Variants in KCNIP1 observed in about 807,000 individuals in gnomAD.
The protein encoded by KCNIP1 is potassium voltage-gated channel interacting protein 1.
KCNIP1 carries 18 observed loss-of-function variants against 33.0 expected under a neutral mutation model. That is an observed-to-expected ratio of 0.55 (90% CI 0.38 to 0.81). KCNIP1 has a LOEUF of 0.81. Among genes scored for constraint, KCNIP1 ranks in the 30% least tolerant of loss-of-function variants. The probability of loss-of-function intolerance (pLI) is 0.00; values close to 1 mark genes in which losing one functional copy is unlikely to be tolerated. For synonymous variants in KCNIP1, 93 were observed against 98.3 expected (o/e 0.95, Z 0.32); for missense variants, 238 against 271.6 (o/e 0.88, Z 0.87).
chr5:170,610,610 T>C (rs551440476), intron 1 of KCNIP1, among the ~76,000 whole-genome samples: 25 of 152,358 alleles, frequency 1.6e-4, no homozygotes, highest in African/African-American at 6.0e-4. Flanking sequence ...CTGAGTGACC[T>C]TGGCCAATTC....
At chr5:170,492,747 A>G (rs1757231233) in intron 1 of KCNIP1, among the ~76,000 whole-genome samples, 1 of 138,464 alleles carries the variant, frequency 7.2e-6, no homozygotes, top group Non-Finnish European at 1.6e-5. Flanking sequence ...CAGAGACCAA[A>G]TATCTATCTA....
At chr5:170,731,618 C>T (rs964691717) in intron 5 of KCNIP1, among the ~76,000 whole-genome samples, 17 of 151,164 alleles carry the variant, frequency 1.1e-4, no homozygotes, top group Non-Finnish European at 2.4e-4. Flanking sequence ...TCACTTGAAC[C>T]CGGGAGGTCG....
intron 1 of KCNIP1, chr5:170,681,411 G>C: frequency 3.0e-6 from 1 of 334,516 alleles, no homozygotes; most frequent in Admixed American, 4.8e-5. Flanking sequence ...CAGGAAGTTA[G>C]GGTCTCCTGC....
chr5:170,491,511 A>T, intron 1 of KCNIP1, among the ~76,000 whole-genome samples: 1 of 152,162 alleles, frequency 6.6e-6, no homozygotes, highest in African/African-American at 2.4e-5. Context: ...TTACCTAGCA[A>T]ATCTGGCTCA....
intron 1 of KCNIP1, among the ~76,000 whole-genome samples, chr5:170,581,262 ACTTT>A (rs1757785340): frequency 6.6e-6 from 1 of 152,218 alleles, no homozygotes; most frequent in Non-Finnish European, 1.5e-5. Flanking sequence ...ACAGGGACTA[ACTTT>A]CCAAGGTCAC....
At chr5:170,473,518 G>C (rs1193254343) in intron 1 of KCNIP1, among the ~76,000 whole-genome samples, 1 of 152,156 alleles carries the variant, frequency 6.6e-6, no homozygotes, top group Non-Finnish European at 1.5e-5. Flanking sequence ...CATCACCCCT[G>C]AGAAATCAGG....
chr5:170,630,891 G>A (rs147677217), intron 1 of KCNIP1, among the ~76,000 whole-genome samples: 41 of 152,240 alleles, frequency 2.7e-4, no homozygotes, highest in East Asian at 9.7e-4. Flanking sequence ...TGAGTGCAGC[G>A]TGCAGATAAG....
In KCNIP1 at chr5:170,542,474, C is replaced by G. The variant is rs112971398; in HGVS notation, c.61+37841C>G. Among the ~76,000 whole-genome samples, 706 of 152,176 alleles carry G rather than the reference C, an allele frequency of 4.6e-3. 5 individuals carry two copies. The highest frequency in any genetic ancestry group is 0.016 in the African/African-American group (665 of 41,478). ...AGTAATTGTCAGAAACAGAAAGTGT[C>G]GAGACTCAACCCTGCATGGAAAAGA... is the stretch of plus-strand genomic sequence containing the variant. On this transcript the variant is annotated intron_variant, in intron 1 of 7. Coordinates refer to ENST00000328939, the MANE Select transcript of KCNIP1 (RefSeq NM_014592.4).
intron 1 of KCNIP1, among the ~76,000 whole-genome samples, chr5:170,497,233 C>T (rs1029165923): frequency 2.0e-5 from 3 of 152,126 alleles, no homozygotes; most frequent in African/African-American, 4.8e-5. Flanking sequence ...TAATGACCTG[C>T]CTTTTTCATG....
intron 1 of KCNIP1, among the ~76,000 whole-genome samples, chr5:170,546,184 C>G (rs1756401293): frequency 6.6e-6 from 1 of 152,232 alleles, no homozygotes; most frequent in Non-Finnish European, 1.5e-5. Flanking sequence ...TGAAGAGATT[C>G]AGTCCTGCTC....
chr5:170,355,733 C>T (rs1173295228), intron 1 of KCNIP1, among the ~76,000 whole-genome samples: 1 of 152,230 alleles, frequency 6.6e-6, no homozygotes, highest in Admixed American at 6.5e-5. Flanking sequence ...AAGGAACCAG[C>T]TGGAGAGTCA....
intron 1 of KCNIP1, among the ~76,000 whole-genome samples, chr5:170,414,070 C>A (rs554963312): frequency 6.6e-6 from 1 of 152,250 alleles, no homozygotes; most frequent in African/African-American, 2.4e-5. Flanking sequence ...AGGAGCCCTG[C>A]CTTAGGAAGA....
intron 1 of KCNIP1, among the ~76,000 whole-genome samples, chr5:170,367,356 A>AGAAG (rs1305570969): frequency 3.4e-5 from 2 of 59,382 alleles, no homozygotes; most frequent in Non-Finnish European, 6.7e-5. Context: ...AGAAAAAGAA[A>AGAAG]GAAAGAAAGA....
intron 1 of KCNIP1, chr5:170,354,104 G>A: frequency 1.2e-6 from 1 of 814,680 alleles, no homozygotes; most frequent in Non-Finnish European, 2.0e-6. Flanking sequence ...GGGATTCGAG[G>A]TTGCTGACAA....
intron 1 of KCNIP1, among the ~76,000 whole-genome samples, chr5:170,474,380 C>G (rs1228958754): frequency 1.3e-5 from 2 of 152,072 alleles, no homozygotes; most frequent in African/African-American, 4.8e-5. Context: ...TTGTGGGAAC[C>G]CCCGCCCCCC....
intron 1 of KCNIP1, among the ~76,000 whole-genome samples, chr5:170,496,693 C>T (rs11745880): frequency 0.065 from 9,877 of 152,224 alleles, 376 homozygotes; most frequent in South Asian, 0.1. Context: ...ATGTTTTGCA[C>T]ACACTTTAGA....
At chr5:170,354,862 G>A (rs183896559) in intron 1 of KCNIP1, among the ~76,000 whole-genome samples, 8 of 152,324 alleles carry the variant, frequency 5.3e-5, no homozygotes, top group African/African-American at 7.2e-5. Flanking sequence ...CTGAAAAAAC[G>A]TCTTTAAATA....
At chr5:170,441,951 C>CAAAAAAAA (rs34610945) in intron 1 of KCNIP1, among the ~76,000 whole-genome samples, 1 of 72,222 alleles carries the variant, frequency 1.4e-5, no homozygotes, top group Non-Finnish European at 2.5e-5. Context: ...GACTCCATCT[C>CAAAAAAAA]AAAAAAAAAA....
intron 1 of KCNIP1, among the ~76,000 whole-genome samples, chr5:170,701,613 C>T (rs996216829): frequency 6.6e-6 from 1 of 152,178 alleles, no homozygotes; most frequent in East Asian, 1.9e-4. Flanking sequence ...TGGAGTGTTA[C>T]GTGGACTCTC....
Sources: gnomAD v4.1 joint callset for allele counts (sites outside exome capture counted in the v4.1 genomes callset) on GRCh38, gnomAD v4.1.1 for gene constraint, MANE v1.5 for transcripts, NCBI Gene and HGNC (gene_info 2026-07-23, HGNC 2026-07-21) for gene names.